Variants in SPATA9 observed in about 807,000 individuals in gnomAD.
SPATA9 encodes spermatogenesis-associated protein 9.
A neutral mutation model predicts 25.5 loss-of-function variants in SPATA9; 27 were observed. The observed-to-expected ratio is 1.06, with a 90% CI of 0.78 to 1.46. The LOEUF (loss-of-function observed/expected upper bound fraction) is 1.46, where lower values mean the gene tolerates loss of function less well. SPATA9 is among the 40% of genes most tolerant of loss of function. SPATA9 has a pLI of 0.00. For missense variants in SPATA9, 282 were observed against 297.5 expected (o/e 0.95, Z 0.38); for synonymous variants, 102 against 105.7 (o/e 0.97, Z 0.21).
At chr5:95,665,571 T>C (rs1751714744) in intron 3 of SPATA9, among the ~76,000 whole-genome samples, 4 of 152,258 alleles carry the variant, frequency 2.6e-5, no homozygotes, top group Non-Finnish European at 1.5e-5. Context: ...AATGGTTAAA[T>C]AGTATTCAAT....
At chr5:95,686,116 A>T (rs1233808363), upstream of SPATA9, among the ~76,000 whole-genome samples, 1 of 152,130 alleles carries the variant, frequency 6.6e-6, no homozygotes, top group Non-Finnish European at 1.5e-5. Flanking sequence ...GGTATTACAG[A>T]CGTGAGCCAC....
upstream of SPATA9, chr5:95,684,667 A>G (rs1344306239): frequency 6.6e-6 from 1 of 152,200 alleles, no homozygotes; most frequent in Admixed American, 6.5e-5. Flanking sequence ...ACCCTGCAGC[A>G]CTTACATTAT....
At chr5:95,732,063 G>T in the SPATA9 span, 1 of 1,614,212 alleles carries the variant, frequency 6.2e-7, no homozygotes. Context: ...TCAAGCTGGT[G>T]GTCCACGACT....
intron 1 of SPATA9, among the ~76,000 whole-genome samples, chr5:95,690,693 T>C (rs1210684275): frequency 6.6e-6 from 1 of 152,222 alleles, no homozygotes; most frequent in Non-Finnish European, 1.5e-5. Context: ...ATCTATGATA[T>C]ATTCCAGCCA....
intron 1 of SPATA9, among the ~76,000 whole-genome samples, chr5:95,689,707 C>A (rs1040911368): frequency 2.0e-5 from 3 of 151,758 alleles, no homozygotes; most frequent in African/African-American, 7.3e-5. Context: ...AAGAGAAGAC[C>A]CAATTAGAAG....
At chr5:95,731,187 C>T in the SPATA9 span, 1 of 1,004,786 alleles carries the variant, frequency 1.0e-6, no homozygotes. Context: ...GCCACCGGAG[C>T]TCCCGGGGCC....
At chr5:95,662,399 G>T (rs1388615224) in intron 4 of SPATA9, among the ~76,000 whole-genome samples, 1 of 152,102 alleles carries the variant, frequency 6.6e-6, no homozygotes, top group African/African-American at 2.4e-5. Context: ...TAATAAATTG[G>T]ATGACATTAA....
upstream of SPATA9, among the ~76,000 whole-genome samples, chr5:95,686,962 CAAAA>C (rs947477409): frequency 2.0e-5 from 3 of 151,806 alleles, no homozygotes; most frequent in East Asian, 3.9e-4. Flanking sequence ...GACAGCAAAA[CAAAA>C]AAGGGAAAAG....
the SPATA9 span, among the ~76,000 whole-genome samples, chr5:95,714,108 A>C: frequency 4.6e-4 from 70 of 152,154 alleles, 1 homozygote; most frequent in African/African-American, 1.6e-3. Flanking sequence ...TATAAATTCC[A>C]TACATGCTGA....
intron 3 of SPATA9, chr5:95,670,272 G>A (rs1474860525): frequency 3.9e-5 from 6 of 152,136 alleles, no homozygotes; most frequent in Admixed American, 2.6e-4. Flanking sequence ...TCCCCATGTC[G>A]AAGAGCTGAA....
chr5:95,680,757 A>G (rs992550518), intron 2 of SPATA9, among the ~76,000 whole-genome samples: 1 of 152,146 alleles, frequency 6.6e-6, no homozygotes, highest in East Asian at 1.9e-4. Flanking sequence ...GCTTCTCTTG[A>G]GCTTCCAACC....
chr5:95,675,509 T>G lies in SPATA9; in HGVS notation c.281A>C (p.His94Pro), dbSNP rs1752844467. 6.2e-7 allele frequency: 1 copy of G among 1,614,200 alleles called. No homozygotes were observed. The highest frequency in any genetic ancestry group is 1.7e-5 in the Admixed American group (1 of 60,024). ...RSSKSVAKLL[H>P]PQLACRLLEL... ...TAAAAGTCTGCATGCAAGCTGAGGA[T>G]GCAGAAGTTTGGCCACTGATTTGGA... The change falls in exon 3 of 5, where the codon CAT becomes CCT. Residue 94 changes from histidine (H) to proline (P), a missense_variant. By Grantham distance (77) the His-to-Pro change is moderately conservative (BLOSUM62 -2). Transcript: ENST00000274432.
chr5:95,663,077 T>G (rs1180790680), intron 4 of SPATA9, among the ~76,000 whole-genome samples: 3 of 152,158 alleles, frequency 2.0e-5, no homozygotes, highest in Non-Finnish European at 4.4e-5. Flanking sequence ...TACAGGAATA[T>G]TTATAGCAAC....
chr5:95,667,271 A>G (rs902720973), intron 3 of SPATA9, among the ~76,000 whole-genome samples: 3 of 149,922 alleles, frequency 2.0e-5, no homozygotes, highest in African/African-American at 4.9e-5. Flanking sequence ...AGTGATTTAC[A>G]GAACAAGGAA....
intron 1 of SPATA9, among the ~76,000 whole-genome samples, chr5:95,690,409 G>A (rs1362665376): frequency 2.0e-5 from 3 of 152,146 alleles, no homozygotes; most frequent in Non-Finnish European, 4.4e-5. Flanking sequence ...AGAAATATGT[G>A]ATACCAAGTC....
the SPATA9 span, among the ~76,000 whole-genome samples, chr5:95,710,644 A>C: frequency 6.6e-6 from 1 of 152,130 alleles, no homozygotes; most frequent in African/African-American, 2.4e-5. Context: ...CGGCTTTGAG[A>C]TATTAGGGAG....
At chr5:95,691,320 T>C (rs1471330792) in intron 1 of SPATA9, among the ~76,000 whole-genome samples, 1 of 152,218 alleles carries the variant, frequency 6.6e-6, no homozygotes, top group East Asian at 1.9e-4. Context: ...ATTGTTTTAG[T>C]ACCACAGATT....
chr5:95,658,464 C>G lies in SPATA9; in HGVS notation c.*159G>C. On this transcript the variant is annotated 3_prime_UTR_variant, in exon 5 of 5. Transcript: ENST00000274432. ...TCAATATTCATTTTATTTACTCTATCATGTAAATACTAGAAAATGACATTT... is the reference window on the plus strand; with the variant it reads ...TCAATATTCATTTTATTTACTCTATGATGTAAATACTAGAAAATGACATTT... 2 of 751,152 alleles carry G rather than the reference C, an allele frequency of 2.7e-6. No individual in the cohort carries two copies. The highest frequency in any genetic ancestry group is 1.7e-5 in the African/African-American group (1 of 58,362). 46.5% of individuals were successfully genotyped at this position (751,152 alleles called of 1,614,324 possible).
the SPATA9 span, among the ~76,000 whole-genome samples, chr5:95,703,751 ATTAT>A: frequency 6.6e-6 from 1 of 152,208 alleles, no homozygotes; most frequent in East Asian, 1.9e-4. Context: ...GGGTGGTTGG[ATTAT>A]TTATTTGAAA....
Sources: gnomAD v4.1 joint callset for allele counts (sites outside exome capture counted in the v4.1 genomes callset) on GRCh38, gnomAD v4.1.1 for gene constraint, MANE v1.5 for transcripts, NCBI Gene and HGNC (gene_info 2026-07-23, HGNC 2026-07-21) for gene names.